The following MYLK4 variants were observed in gnomAD, a reference collection of about 807,000 sequenced individuals.
MYLK4 encodes the protein caMLCK like.
A neutral mutation model predicts 48.1 loss-of-function variants in MYLK4; 46 were observed. That is an observed-to-expected ratio of 0.96 (90% confidence interval 0.75 to 1.22). The LOEUF (loss-of-function observed/expected upper bound fraction) is 1.22, where lower values mean the gene tolerates loss of function less well. Ranked by LOEUF, MYLK4 falls within the 50% of genes most tolerant of loss-of-function variation. The pLI, the probability that MYLK4 is intolerant of heterozygous loss-of-function variation, is 0.00. For missense variants in MYLK4, 451 were observed against 486.1 expected (o/e 0.93, Z 0.68); for synonymous variants, 170 against 180.8 (o/e 0.94, Z 0.48).
At chr6:2,763,250 A>G in the MYLK4 span, among the ~76,000 whole-genome samples, 1 of 152,216 alleles carries the variant, frequency 6.6e-6, no homozygotes, top group Non-Finnish European at 1.5e-5. Context: ...TCCCCACCAG[A>G]CTCAGAAACC....
chr6:2,678,382 A>G lies in MYLK4; in HGVS notation c.888-10T>C. On this transcript the variant is annotated splice_polypyrimidine_tract_variant and intron_variant, in intron 9 of 12. Coordinates refer to ENST00000274643, the MANE Select transcript of MYLK4 (RefSeq NM_001012418.5). ...CGACAAACCGCTAAGTCTGGAGGAC[A>G]CGGGGTCCAGAGTGAGTATTTTTTA... 1 of 1,613,562 alleles carries G rather than the reference A, an allele frequency of 6.2e-7. No individual in the cohort carries two copies. Among genetic ancestry groups the G allele is most frequent in the Non-Finnish European group, 8.5e-7 (1 of 1,179,894 alleles).
intron 3 of MYLK4, among the ~76,000 whole-genome samples, chr6:2,689,482 A>T (rs892167339): frequency 5.9e-5 from 9 of 152,200 alleles, no homozygotes; most frequent in Non-Finnish European, 1.3e-4. Flanking sequence ...ACAAAGATGA[A>T]TTTTTCCTGG....
chr6:2,702,448 T>C (rs1762320959), intron 2 of MYLK4, among the ~76,000 whole-genome samples: 1 of 152,118 alleles, frequency 6.6e-6, no homozygotes, highest in Non-Finnish European at 1.5e-5. Flanking sequence ...GTATTGTGTC[T>C]AGCATAGTTC....
At chr6:2,691,935 G>C (rs891277937) in intron 3 of MYLK4, among the ~76,000 whole-genome samples, 6 of 152,182 alleles carry the variant, frequency 3.9e-5, no homozygotes, top group Non-Finnish European at 8.8e-5. Flanking sequence ...ATGGCACATA[G>C]CTCTAGAGAA....
At position 2,672,761 on chromosome 6, in the gene MYLK4, T is replaced by C. The variant is rs1439743299; in HGVS notation, c.1120-1413A>G. On this transcript the variant is annotated intron_variant, in intron 11 of 12. Transcript: ENST00000274643. The surrounding 1 kb of genome is among the most constrained non-coding windows in gnomAD (Gnocchi z 4.3). Reference sequence around the variant, plus strand: ...ACAAGAAAGGCTCTGGAAGCATCGCTCAGGTCCCCTGTACCCAGCAGCCCA... The same window carrying C: ...ACAAGAAAGGCTCTGGAAGCATCGCCCAGGTCCCCTGTACCCAGCAGCCCA... Among the ~76,000 whole-genome samples the C allele has an allele frequency of 6.6e-6, 1 of 152,180 alleles. No individual in the cohort carries two copies. Among genetic ancestry groups the C allele is most frequent in the Non-Finnish European group, 1.5e-5 (1 of 68,038 alleles).
chr6:2,734,169 G>A lies in MYLK4; in HGVS notation c.159+14967C>T, dbSNP rs113582450. Among the ~76,000 whole-genome samples the A allele has an allele frequency of 4.5e-3, 681 of 152,274 alleles. 8 individuals carry two copies. The highest frequency in any genetic ancestry group is 0.016 in the African/African-American group (655 of 41,566). ...CTCATGTCTGCAAACCCTTGCTAGCGGGCACCTGCCAGAAGCAACTCTGTT... is the reference window on the plus strand; with the variant it reads ...CTCATGTCTGCAAACCCTTGCTAGCAGGCACCTGCCAGAAGCAACTCTGTT... On this transcript the variant is annotated intron_variant, in intron 2 of 12. Transcript: ENST00000274643.
chr6:2,673,518 A>G lies in MYLK4; in HGVS notation c.1119+1529T>C, dbSNP rs1760978493. Among the ~76,000 whole-genome samples, 1 of 152,206 alleles carries G rather than the reference A, an allele frequency of 6.6e-6. No homozygotes were observed. The highest frequency in any genetic ancestry group is 2.1e-4 in the South Asian group (1 of 4,826). On this transcript the variant is annotated intron_variant, in intron 11 of 12. Coordinates refer to ENST00000274643, the MANE Select transcript of MYLK4 (RefSeq NM_001012418.5). This position sits in a 1 kb window ranked among gnomAD's most constrained non-coding sequence, Gnocchi z 4.2. The stretch of plus-strand genomic sequence containing the variant: ...ACCTCAGGAAATGGAGAGGATGAGG[A>G]GCAAAGGTGGAAGAAACAAAAACGT...
chr6:2,698,023 A>G (rs962373866), intron 2 of MYLK4, among the ~76,000 whole-genome samples: 1 of 152,242 alleles, frequency 6.6e-6, no homozygotes, highest in Non-Finnish European at 1.5e-5. Flanking sequence ...GCTCATATCC[A>G]CAGCCCTGAA....
the MYLK4 span, chr6:2,765,390 A>C: frequency 2.1e-5 from 8 of 379,544 alleles, no homozygotes; most frequent in Admixed American, 3.0e-4. Flanking sequence ...ACGGCCACGA[A>C]CTACACTTCC....
intron 2 of MYLK4, among the ~76,000 whole-genome samples, chr6:2,732,621 A>T (rs1049673700): frequency 2.6e-5 from 4 of 151,920 alleles, no homozygotes; most frequent in Admixed American, 6.6e-5. Flanking sequence ...TGGCCCTAGG[A>T]ACATCACACT....
chr6:2,767,512 G>A, the MYLK4 span, among the ~76,000 whole-genome samples: 2 of 152,256 alleles, frequency 1.3e-5, no homozygotes, highest in East Asian at 3.9e-4. Flanking sequence ...GTGCCTTCTT[G>A]TTTGCACTCA....
intron 2 of MYLK4, among the ~76,000 whole-genome samples, chr6:2,698,618 A>T (rs193005311): frequency 4.6e-5 from 7 of 152,356 alleles, no homozygotes. Flanking sequence ...AACAATTTAT[A>T]ATGACTTTAT....
rs1157653736 is a variant in MYLK4 at position 2,739,935 on chromosome 6, G to A, written c.159+9201C>T. Reference sequence around the variant, plus strand: ...TGACCTGCATATACTGTTGTGTAAAGAACTTAAAGAACTCCACTGGGAGGG... The same window carrying A: ...TGACCTGCATATACTGTTGTGTAAAAAACTTAAAGAACTCCACTGGGAGGG... On this transcript the variant is annotated intron_variant, in intron 2 of 12. Coordinates refer to ENST00000274643, the MANE Select transcript of MYLK4 (RefSeq NM_001012418.5). 3.9e-5 allele frequency among the ~76,000 whole-genome samples: 6 copies of A among 152,240 alleles called. No individual in the cohort carries two copies. The East Asian group carries it at 1.2e-3, about 29-fold the overall frequency.
chr6:2,763,441 G>A, the MYLK4 span, among the ~76,000 whole-genome samples: 1 of 152,228 alleles, frequency 6.6e-6, no homozygotes, highest in South Asian at 2.1e-4. Flanking sequence ...TTGGGGGGAG[G>A]CTCAGGCATG....
intron 12 of MYLK4, 70 bp downstream of exon 12, chr6:2,671,206 G>A (rs907101065): frequency 9.2e-7 from 1 of 1,086,150 alleles, no homozygotes. Context: ...GTGAGCAAAT[G>A]CTCCATTTAT....
At chr6:2,761,870 G>A in the MYLK4 span, among the ~76,000 whole-genome samples, 1 of 152,144 alleles carries the variant, frequency 6.6e-6, no homozygotes, top group Non-Finnish European at 1.5e-5. Flanking sequence ...GGATAGAAAA[G>A]CACAAGTAGA....
chr6:2,766,250 C>T, the MYLK4 span: 13 of 1,514,902 alleles, frequency 8.6e-6, no homozygotes, highest in Non-Finnish European at 1.1e-5. Context: ...CCGCCCGCAC[C>T]CCCGGGCGCT....
At chr6:2,671,012 G>A (rs1760868397) in intron 12 of MYLK4, among the ~76,000 whole-genome samples, 1 of 151,994 alleles carries the variant, frequency 6.6e-6, no homozygotes, top group African/African-American at 2.4e-5. Context: ...TGGTCTCGGG[G>A]CTTTGCTTGA....
chr6:2,740,364 G>T (rs964472441), intron 2 of MYLK4, among the ~76,000 whole-genome samples: 1 of 152,188 alleles, frequency 6.6e-6, no homozygotes, highest in African/African-American at 2.4e-5. Context: ...TCTTCCCAGG[G>T]TTCTCTGGCA....
Sources: allele counts gnomAD v4.1 joint callset (sites outside exome capture counted in the v4.1 genomes callset), GRCh38; gene constraint gnomAD v4.1.1; non-coding constraint Gnocchi (gnomAD v3.1); transcripts MANE v1.5; gene names NCBI Gene and HGNC (gene_info 2026-07-23, HGNC 2026-07-21).